UGT1A4: variants seen among roughly 807,000 people sequenced by gnomAD.
UGT1A4 encodes UDP glucuronosyltransferase family 1 member A4, also known as UDP-glucuronosyltransferase 1A4.
Under a neutral mutation model 41.1 loss-of-function variants are expected in UGT1A4, and 32 were observed. That is an observed-to-expected ratio of 0.78 (90% CI 0.59 to 1.05). UGT1A4 has a LOEUF of 1.05. Among genes scored for constraint, UGT1A4 ranks in the 50% least tolerant of loss-of-function variants. The pLI, the probability that UGT1A4 is intolerant of heterozygous loss-of-function variation, is 0.00. For missense variants in UGT1A4, 748 were observed against 677.4 expected (o/e 1.10, Z -1.16); for synonymous variants, 283 against 265.1 (o/e 1.07, Z -0.66).
chr2:233,746,864 A>G (rs1693495912), intron 1 of UGT1A4, among the ~76,000 whole-genome samples: 1 of 151,076 alleles, frequency 6.6e-6, no homozygotes, highest in South Asian at 2.1e-4. Flanking sequence ...CTGCAGCCTG[A>G]TAAACGTGGT....
intron 1 of UGT1A4, among the ~76,000 whole-genome samples, chr2:233,724,843 CA>C (rs1314943677): frequency 7.6e-6 from 1 of 132,312 alleles, no homozygotes; most frequent in Non-Finnish European, 1.6e-5. Context: ...GAGGCCAAGG[CA>C]GGCGGCTGGG....
intron 1 of UGT1A4, among the ~76,000 whole-genome samples, chr2:233,728,369 A>G (rs2008584): frequency 0.53 from 79,890 of 151,692 alleles, 22,359 homozygotes; most frequent in African/African-American, 0.73. Context: ...TGAACCCACC[A>G]TGGGTCTTTG....
intron 1 of UGT1A4, among the ~76,000 whole-genome samples, chr2:233,766,023 T>C (rs1365175031): frequency 6.6e-6 from 1 of 152,110 alleles, no homozygotes; most frequent in Non-Finnish European, 1.5e-5. Context: ...TTCTTTTAGT[T>C]TTGCCCTCTA....
At chr2:233,749,597 A>G (rs1694229445) in intron 1 of UGT1A4, among the ~76,000 whole-genome samples, 1 of 151,834 alleles carries the variant, frequency 6.6e-6, no homozygotes, top group South Asian at 2.1e-4. Flanking sequence ...ACATGAAGTC[A>G]CACTAGATTT....
chr2:233,761,152 G>A lies in UGT1A4; in HGVS notation c.868-5882G>A, dbSNP rs587776764. On this transcript the variant is annotated intron_variant, in intron 1 of 4. Transcript: ENST00000373409. Reference sequence around the variant, plus strand: ...CCTTCACCAAAATCCACTATCCCAGGTGTGTATTGGAGTGGGACTTTTACA... The same window carrying A: ...CCTTCACCAAAATCCACTATCCCAGATGTGTATTGGAGTGGGACTTTTACA... The A allele has an allele frequency of 1.2e-6, 2 of 1,614,084 alleles. No individual in the cohort carries two copies. Among genetic ancestry groups the A allele is most frequent in the South Asian group, 2.2e-5 (2 of 91,086 alleles).
intron 1 of UGT1A4, among the ~76,000 whole-genome samples, chr2:233,766,129 A>G (rs1046451620): frequency 6.6e-6 from 1 of 152,192 alleles, no homozygotes; most frequent in Non-Finnish European, 1.5e-5. Context: ...GGTGTACCAG[A>G]AGAATCGAAT....
At chr2:233,760,745 T>A (rs1697549301) in intron 1 of UGT1A4, 1 of 1,614,020 alleles carries the variant, frequency 6.2e-7, no homozygotes, top group Non-Finnish European at 8.5e-7. Flanking sequence ...ACGGACCCTT[T>A]CCTTCCTTGC....
At chr2:233,746,611 C>A (rs1265902828) in intron 1 of UGT1A4, among the ~76,000 whole-genome samples, 1 of 151,736 alleles carries the variant, frequency 6.6e-6, no homozygotes. Context: ...GTTCACCTGA[C>A]CCCTCCTTTC....
intron 1 of UGT1A4, among the ~76,000 whole-genome samples, chr2:233,734,104 A>T (rs1173344990): frequency 6.6e-6 from 1 of 151,308 alleles, no homozygotes; most frequent in African/African-American, 2.4e-5. Context: ...CTTAAAGTAT[A>T]ATAATAATAA....
At chr2:233,749,645 C>T (rs1375243273) in intron 1 of UGT1A4, among the ~76,000 whole-genome samples, 7 of 151,834 alleles carry the variant, frequency 4.6e-5, no homozygotes, top group Non-Finnish European at 1.0e-4. Flanking sequence ...CAAATCTCAT[C>T]TTGAATTGTA....
intron 1 of UGT1A4, among the ~76,000 whole-genome samples, chr2:233,738,473 C>G (rs1020432064): frequency 1.3e-5 from 2 of 152,168 alleles, no homozygotes; most frequent in Non-Finnish European, 1.5e-5. Flanking sequence ...TTTGGAACTT[C>G]CTGGAGACTT....
At chr2:233,747,232 G>A in intron 1 of UGT1A4, 1 of 1,605,196 alleles carries the variant, frequency 6.2e-7, no homozygotes, top group Non-Finnish European at 8.5e-7. Context: ...AGGACCCCAG[G>A]TTCCCCTGCT....
At chr2:233,763,733 T>C (rs528064995) in intron 1 of UGT1A4, among the ~76,000 whole-genome samples, 4 of 152,330 alleles carry the variant, frequency 2.6e-5, no homozygotes, top group South Asian at 4.1e-4. Flanking sequence ...CAACCTGGCA[T>C]TGGCGTGTCT....
intron 1 of UGT1A4, among the ~76,000 whole-genome samples, chr2:233,745,709 C>T (rs1276912783): frequency 6.8e-6 from 1 of 146,654 alleles, no homozygotes; most frequent in Non-Finnish European, 1.5e-5. Context: ...ACAAGTGATC[C>T]AGAATGGCTG....
chr2:233,769,914 G>A lies in UGT1A4; in HGVS notation c.1307+1475G>A, dbSNP rs530436161. ...AACCTGAGCATCATGTGCCCAGAGCGTTGGGTGGTGTGGTCCCATTCCTTC... is the reference window on the plus strand; with the variant it reads ...AACCTGAGCATCATGTGCCCAGAGCATTGGGTGGTGTGGTCCCATTCCTTC... On this transcript the variant is annotated intron_variant, in intron 4 of 4. Coordinates refer to ENST00000373409, the MANE Select transcript of UGT1A4 (RefSeq NM_007120.3). The surrounding 1 kb of genome is among the most constrained non-coding windows in gnomAD (Gnocchi z 4.4). The A allele has an allele frequency of 6.5e-5, 19 of 292,140 alleles. No homozygotes were observed. The highest frequency in any genetic ancestry group is 1.0e-3 in the Middle Eastern group (1 of 988). 18.1% of individuals were successfully genotyped at this position (292,140 alleles called of 1,614,324 possible).
chr2:233,736,824 CTT>C (rs2078816334), intron 1 of UGT1A4, among the ~76,000 whole-genome samples: 1 of 152,316 alleles, frequency 6.6e-6, no homozygotes, highest in South Asian at 2.1e-4. Context: ...TCCAGATGCT[CTT>C]TGCTTTGGTA....
At chr2:233,758,626 C>T (rs1184924928) in intron 1 of UGT1A4, among the ~76,000 whole-genome samples, 3 of 152,058 alleles carry the variant, frequency 2.0e-5, no homozygotes, top group Admixed American at 6.5e-5. Flanking sequence ...ATGCAAAGTA[C>T]CTACTCTAAG....
At chr2:233,747,184 G>A in intron 1 of UGT1A4, 1 of 1,602,858 alleles carries the variant, frequency 6.2e-7, no homozygotes, top group Non-Finnish European at 8.5e-7. Flanking sequence ...GCGTGGGGTG[G>A]ACAGTCAGCT....
chr2:233,725,634 A>G (rs2077463990), intron 1 of UGT1A4, among the ~76,000 whole-genome samples: 1 of 152,208 alleles, frequency 6.6e-6, no homozygotes, highest in Non-Finnish European at 1.5e-5. Flanking sequence ...TCTAGCATAT[A>G]TCTGACATTT....
Sources: gnomAD v4.1 joint callset for allele counts (sites outside exome capture counted in the v4.1 genomes callset) on GRCh38, gnomAD v4.1.1 for gene constraint, Gnocchi (gnomAD v3.1) non-coding constraint, MANE v1.5 for transcripts, NCBI Gene and HGNC (gene_info 2026-07-23, HGNC 2026-07-21) for gene names.